The following MYO16 variants were observed in gnomAD, a reference collection of about 807,000 sequenced individuals.
MYO16 encodes myosin XVI, also known as unconventional myosin-XVI.
A neutral mutation model predicts 205.3 loss-of-function variants in MYO16; 94 were observed. The observed-to-expected ratio is 0.46, with a 90% CI of 0.39 to 0.54. The LOEUF (loss-of-function observed/expected upper bound fraction) is 0.54, where lower values mean the gene tolerates loss of function less well. Among genes scored for constraint, MYO16 ranks in the 20% least tolerant of loss-of-function variants. MYO16 has a pLI of 0.00. For missense variants in MYO16, 2,315 were observed against 2,387.5 expected, an observed-to-expected ratio of 0.97 and a Z score of 0.63; for synonymous variants, 988 against 954.0, an observed-to-expected ratio of 1.04 and a Z score of -0.66.
intron 20 of MYO16, among the ~76,000 whole-genome samples, chr13:108,975,657 A>G (rs933159784): frequency 6.6e-6 from 1 of 152,192 alleles, no homozygotes; most frequent in African/African-American, 2.4e-5. Context: ...CCTTTGCTTT[A>G]CATGAAGGCT....
chr13:108,936,745 A>G (rs1335262657), intron 16 of MYO16, among the ~76,000 whole-genome samples: 1 of 152,168 alleles, frequency 6.6e-6, no homozygotes, highest in Non-Finnish European at 1.5e-5. Flanking sequence ...GATCTCTTAA[A>G]GACAGTAGTT....
chr13:108,788,805 C>T (rs1446537140), intron 5 of MYO16, among the ~76,000 whole-genome samples: 2 of 152,186 alleles, frequency 1.3e-5, no homozygotes, highest in South Asian at 2.1e-4. Context: ...CTTTGACATT[C>T]GATGACCTTT....
intron 1 of MYO16, among the ~76,000 whole-genome samples, chr13:108,606,998 G>T (rs183327110): frequency 1.8e-4 from 27 of 152,334 alleles, no homozygotes; most frequent in South Asian, 8.3e-4. Flanking sequence ...TACCCTGTTG[G>T]ACTTTGGACT....
chr13:108,822,941 A>G (rs574964896), intron 8 of MYO16, among the ~76,000 whole-genome samples, 184 bp from the exon 9 acceptor site: 4 of 152,298 alleles, frequency 2.6e-5, no homozygotes, highest in South Asian at 4.1e-4. Flanking sequence ...GTAAAACAAA[A>G]TAGTCTTTTA....
At chr13:108,770,486 G>A (rs1037057125) in intron 4 of MYO16, among the ~76,000 whole-genome samples, 18 of 151,980 alleles carry the variant, frequency 1.2e-4, no homozygotes, top group Admixed American at 7.9e-4. Context: ...TGAGGCATTC[G>A]TGCCTTTTAA....
At chr13:109,197,664 TG>T (rs567363652) in intron 34 of MYO16, among the ~76,000 whole-genome samples, 110 of 152,266 alleles carry the variant, frequency 7.2e-4, no homozygotes, top group African/African-American at 2.4e-3. Flanking sequence ...ACTTTTTAAA[TG>T]AAAGAAAAAC....
At chr13:109,095,784 A>G (rs1463834670) in intron 27 of MYO16, among the ~76,000 whole-genome samples, 1 of 152,234 alleles carries the variant, frequency 6.6e-6, no homozygotes, top group Non-Finnish European at 1.5e-5. Flanking sequence ...TAAATGTTAG[A>G]AACACATGGC....
intron 24 of MYO16, among the ~76,000 whole-genome samples, chr13:109,050,415 A>G (rs763740575): frequency 6.6e-6 from 1 of 152,148 alleles, no homozygotes; most frequent in Non-Finnish European, 1.5e-5. Context: ...ATTCGGAGGC[A>G]GTCACGGTTT....
intron 9 of MYO16, among the ~76,000 whole-genome samples, chr13:108,831,394 A>G (rs377738512): frequency 6.6e-6 from 1 of 152,352 alleles, no homozygotes; most frequent in Non-Finnish European, 1.5e-5. Context: ...GCTTCAAGGA[A>G]TTAAAAAGGA....
intron 22 of MYO16, among the ~76,000 whole-genome samples, chr13:109,019,141 GTAT>G (rs958577109): frequency 1.3e-5 from 2 of 151,652 alleles, no homozygotes; most frequent in Admixed American, 1.3e-4. Flanking sequence ...GCTAATTTCT[GTAT>G]TATTATTATT....
At chr13:108,935,602 C>T (rs929683055) in intron 16 of MYO16, among the ~76,000 whole-genome samples, 4 of 152,070 alleles carry the variant, frequency 2.6e-5, no homozygotes, top group African/African-American at 9.7e-5. Context: ...AACTTGAATG[C>T]CTTTTCTTTC....
In MYO16 at chr13:108,844,405, A is replaced by G. The variant is rs1411199442; in HGVS notation, c.1160A>G (p.Lys387Arg). Residue 387 changes from lysine to arginine, a missense_variant, in exon 10 of 35, where the codon AAA becomes AGA. Lys to Arg is a conservative substitution (Grantham distance 26). Coordinates refer to ENST00000457511, the MANE Select transcript of MYO16 (RefSeq NM_001198950.3). ...DSLLEKDIMF[K>R]DATKGLCKQQ... ...TTGTTGGAAAAAGACATTATGTTCAAAGATGCAACAAAAGGTCTGTGTAAG... is the reference window on the plus strand; with the variant it reads ...TTGTTGGAAAAAGACATTATGTTCAGAGATGCAACAAAAGGTCTGTGTAAG... 1.4e-5 allele frequency: 22 copies of G among 1,613,546 alleles called. No individual in the cohort carries two copies. In the East Asian group the frequency reaches 4.7e-4, roughly 34 times the overall value.
chr13:109,138,925 C>G (rs1876906910), intron 31 of MYO16, among the ~76,000 whole-genome samples: 1 of 152,132 alleles, frequency 6.6e-6, no homozygotes, highest in African/African-American at 2.4e-5. Context: ...TCAAGCAATT[C>G]TCCTAACCTC....
At chr13:109,201,406 A>G (rs1459480185) in intron 34 of MYO16, 1 of 147,986 alleles carries the variant, frequency 6.8e-6, no homozygotes, top group Admixed American at 6.9e-5. Context: ...CATATAATTT[A>G]TAGTTACCCA....
rs145876177 is a variant in MYO16 at position 108,759,544 on chromosome 13, G to A, written c.508-26091G>A. 5.8e-3 allele frequency among the ~76,000 whole-genome samples: 878 copies of A among 152,250 alleles called. 6 individuals carry two copies. The highest frequency in any genetic ancestry group is 0.02 in the African/African-American group (821 of 41,554). ...GTATGATAAAGAACATATTTGGGCC[G>A]GGCGTGGTGGCTCACGCCTGTAATC... is the stretch of plus-strand genomic sequence containing the variant. On this transcript the variant is annotated intron_variant, in intron 4 of 34. Coordinates refer to ENST00000457511, the MANE Select transcript of MYO16 (RefSeq NM_001198950.3).
intron 3 of MYO16, among the ~76,000 whole-genome samples, chr13:108,713,076 C>T (rs751955337): frequency 1.3e-5 from 2 of 152,046 alleles, no homozygotes; most frequent in East Asian, 3.8e-4. Flanking sequence ...ATACTTTGCT[C>T]GTGATCCAGC....
In MYO16 at chr13:109,203,424, CT is replaced by C. The variant is rs113717486; in HGVS notation, c.5416-3172del. 8.9e-3 allele frequency among the ~76,000 whole-genome samples: 1,289 copies of C among 145,002 alleles called. 12 individuals carry two copies. The highest frequency in any genetic ancestry group is 0.027 in the African/African-American group (1,065 of 39,918). ...TATTCAGTGTAGAATTTTATGTTGA[CT>C]TTTTTTTTTTTTCTCTCAGTAATTT... On this transcript the variant is annotated intron_variant, in intron 34 of 34. Coordinates refer to ENST00000457511, the MANE Select transcript of MYO16 (RefSeq NM_001198950.3).
intron 3 of MYO16, among the ~76,000 whole-genome samples, chr13:108,724,487 T>G (rs1326097667): frequency 6.6e-6 from 1 of 152,222 alleles, no homozygotes; most frequent in Non-Finnish European, 1.5e-5. Flanking sequence ...TTAGAATATT[T>G]GCACTTACTT....
intron 1 of MYO16, among the ~76,000 whole-genome samples, chr13:108,662,376 C>G (rs1881541759): frequency 6.6e-6 from 1 of 152,122 alleles, no homozygotes; most frequent in Admixed American, 6.5e-5. Context: ...TTGCCACTAC[C>G]AGGGTGGATA....
Sources: allele counts gnomAD v4.1 joint callset (sites outside exome capture counted in the v4.1 genomes callset), GRCh38; gene constraint gnomAD v4.1.1; transcripts MANE v1.5; gene names NCBI Gene and HGNC (gene_info 2026-07-23, HGNC 2026-07-21).